TOP2B: variants seen among roughly 807,000 people sequenced by gnomAD.
TOP2B encodes the protein DNA topoisomerase II beta, also known as DNA topoisomerase 2-beta.
In TOP2B, 51 loss-of-function variants were observed where a neutral mutation model predicts 193.5. The observed-to-expected ratio is 0.26, with a 90% CI of 0.21 to 0.33. The LOEUF (loss-of-function observed/expected upper bound fraction) is 0.33, where lower values mean the gene tolerates loss of function less well. Among genes scored for constraint, TOP2B ranks in the 10% least tolerant of loss-of-function variants. The pLI, the probability that TOP2B is intolerant of heterozygous loss-of-function variation, is 1.00. For synonymous variants in TOP2B, 634 were observed against 635.7 expected, an observed-to-expected ratio of 1.00 and a Z score of 0.04; for missense variants, 1,378 against 1,909.3, an observed-to-expected ratio of 0.72 and a Z score of 5.19.
chr3:25,602,059 A>AT (rs1702108371), intron 33 of TOP2B, among the ~76,000 whole-genome samples: 2 of 152,178 alleles, frequency 1.3e-5, no homozygotes, highest in Admixed American at 1.3e-4. Context: ...AATTTTGAAA[A>AT]ATAGACCTTG....
intron 1 of TOP2B, among the ~76,000 whole-genome samples, chr3:25,662,247 T>C (rs1575591716): frequency 6.6e-6 from 1 of 152,214 alleles, no homozygotes; most frequent in African/African-American, 2.4e-5. Context: ...ACTAAATGTG[T>C]TGGAGAGACA....
chr3:25,628,590 G>C (rs1456091073), intron 15 of TOP2B, among the ~76,000 whole-genome samples: 2 of 152,160 alleles, frequency 1.3e-5, no homozygotes, highest in East Asian at 3.8e-4. Context: ...ATAATGTCTG[G>C]AAGTTTTTTC....
At chr3:25,617,439 T>G (rs1380249703) in intron 25 of TOP2B, among the ~76,000 whole-genome samples, 1 of 152,188 alleles carries the variant, frequency 6.6e-6, no homozygotes, top group Admixed American at 6.5e-5. Flanking sequence ...TCTATATAAC[T>G]TAGTCTAATT....
intron 3 of TOP2B, among the ~76,000 whole-genome samples, chr3:25,642,941 A>G (rs868865756): frequency 2.0e-5 from 3 of 152,212 alleles, no homozygotes; most frequent in African/African-American, 7.2e-5. Flanking sequence ...TTTGAACACA[A>G]TCATAGAAGA....
chr3:25,630,668 A>G (rs1702929067), intron 11 of TOP2B, 133 bp downstream of exon 11: 1 of 955,396 alleles, frequency 1.0e-6, no homozygotes, highest in Non-Finnish European at 1.5e-6. Flanking sequence ...TGTGTATGTG[A>G]TAATTTCAAT....
Position 25,626,822 on chromosome 3 carries a change from T to G in TOP2B, c.2059A>C (p.Thr687Pro). 6.2e-7 allele frequency: 1 copy of G among 1,606,602 alleles called. No individual in the cohort carries two copies. The highest frequency in any genetic ancestry group is 8.5e-7 in the Non-Finnish European group (1 of 1,177,218). The change falls in exon 17 of 36, where the codon ACA (threonine) becomes CCA (proline). Residue 687 changes from threonine (T) to proline (P), a missense_variant. Thr to Pro is a conservative substitution (Grantham distance 38, BLOSUM62 -1). Around this residue, in one of 9 missense-constraint regions of TOP2B, gnomAD observed 379 missense variants for 615.1 expected, o/e 0.62. Coordinates refer to ENST00000264331, the MANE Select transcript of TOP2B (RefSeq NM_001330700.2). ...TGTCTCCGGTCTTCCATAAAATTTG[T>G]TAACCATTCTTTTCTGTCATCAATC... Reference protein sequence around the residue: ...KKIDDRKEWLTNFMEDRRQRR... With the variant: ...KKIDDRKEWLPNFMEDRRQRR...
rs1703940412 is a variant in TOP2B at position 25,662,301 on chromosome 3, C to T, written c.69+1928G>A. ...GCCTGACGTCAAAGCCCATAACTACCTCACTATATTGCCTCCCATAAAATC... is the reference window on the plus strand; with the variant it reads ...GCCTGACGTCAAAGCCCATAACTACTTCACTATATTGCCTCCCATAAAATC... On this transcript the variant is annotated intron_variant, in intron 1 of 35. Coordinates refer to ENST00000264331, the MANE Select transcript of TOP2B (RefSeq NM_001330700.2). Among the ~76,000 whole-genome samples, 3 of 152,186 alleles carry T rather than the reference C, an allele frequency of 2.0e-5. No individual in the cohort carries two copies. In the South Asian group the frequency reaches 6.2e-4, roughly 32 times the overall value.
At chr3:25,636,661 C>T (rs948197353) in intron 6 of TOP2B, among the ~76,000 whole-genome samples, 1 of 151,950 alleles carries the variant, frequency 6.6e-6, no homozygotes. Context: ...TTATAAACTG[C>T]CAACAAAATC....
Position 25,607,274 on chromosome 3 carries a change from C to G in TOP2B, c.4195G>C (p.Ala1399Pro), listed in dbSNP as rs774941339. 6 of 1,577,164 alleles carry G rather than the reference C, an allele frequency of 3.8e-6. No individual in the cohort carries two copies. In the Admixed American group the frequency reaches 9.2e-5, roughly 24 times the overall value. Residue 1399 changes from alanine to proline, a missense_variant, in exon 31 of 36, where the codon GCA (alanine) becomes CCA (proline). By Grantham distance (27) the Ala-to-Pro change is conservative. Transcript: ENST00000264331. The stretch of plus-strand genomic sequence containing the variant: ...TCCCCATCATTTGTTATGGGAGATG[C>G]TTTAACTTTCAATTCCTCTAAATCA... ...NNDLEELKVK[A>P]SPITNDGEDE...
rs60417591 is a variant in TOP2B, at chr3:25,656,815, A to G, written c.69+7414T>C. Among the ~76,000 whole-genome samples the G allele has an allele frequency of 4.2e-3, 644 of 152,340 alleles. 8 individuals are homozygous for G. Among genetic ancestry groups the G allele is most frequent in the African/African-American group, 0.015 (611 of 41,584 alleles). ...TACATGCCACTTTTATCTTTTCTAC[A>G]CCTTTTCTAAATTTCTACAATGAAT... is the stretch of plus-strand genomic sequence containing the variant. On this transcript the variant is annotated intron_variant, in intron 1 of 35. Coordinates refer to ENST00000264331, the MANE Select transcript of TOP2B (RefSeq NM_001330700.2).
chr3:25,651,230 T>C (rs1467110928), intron 1 of TOP2B, among the ~76,000 whole-genome samples: 3 of 151,972 alleles, frequency 2.0e-5, no homozygotes, highest in Non-Finnish European at 4.4e-5. Flanking sequence ...TGTGTTAAAA[T>C]ATACACAATA....
chr3:25,610,226 A>G (rs1406117521), intron 28 of TOP2B, among the ~76,000 whole-genome samples: 2 of 152,112 alleles, frequency 1.3e-5, no homozygotes, highest in Admixed American at 1.3e-4. Flanking sequence ...AAAATAAGTA[A>G]CATGTGTCTT....
intron 7 of TOP2B, among the ~76,000 whole-genome samples, chr3:25,635,734 A>G (rs1392788483): frequency 6.6e-6 from 1 of 152,158 alleles, no homozygotes; most frequent in African/African-American, 2.4e-5. Flanking sequence ...TAACATATAT[A>G]TAACCAAGAA....
chr3:25,624,726 A>G lies in TOP2B; in HGVS notation c.2302T>C (p.Leu768=). The G allele has an allele frequency of 6.2e-7, 1 of 1,613,826 alleles. No homozygotes were observed. Among genetic ancestry groups the G allele is most frequent in the Non-Finnish European group, 8.5e-7 (1 of 1,179,778 alleles). ...GACATCTCAGCAACAGAGCCAGCCA[A>G]CTGGGCAACTTTTACTTCACGTTTA... ...NDKREVKVAQ[L]AGSVAEMSAY... The change falls in exon 19 of 36, where the codon TTG becomes CTG. Residue 768 remains leucine, a synonymous_variant. Transcript: ENST00000264331.
intron 23 of TOP2B, 131 bp downstream of exon 23, chr3:25,619,731 A>G: frequency 1.6e-6 from 1 of 629,344 alleles, no homozygotes; most frequent in Non-Finnish European, 2.7e-6. Flanking sequence ...GCAAATCTGC[A>G]GGATGGGAAA....
intron 1 of TOP2B, among the ~76,000 whole-genome samples, chr3:25,653,414 A>C (rs1703653106): frequency 6.6e-6 from 1 of 151,796 alleles, no homozygotes; most frequent in Non-Finnish European, 1.5e-5. Flanking sequence ...TTTTTTTTTA[A>C]GAGAGGGTCT....
In TOP2B at chr3:25,606,029, C is replaced by A; in HGVS notation, c.4378+14G>T. 1 of 1,407,864 alleles carries A rather than the reference C, an allele frequency of 7.1e-7. No homozygotes were observed. 87.2% of individuals were successfully genotyped at this position (1,407,864 alleles called of 1,614,324 possible). A position where few individuals can be genotyped will look rare whatever the true frequency, so the allele number is the denominator to read the frequency against. On this transcript the variant is annotated intron_variant, in intron 32 of 35. Transcript: ENST00000264331. ...AATAATACAATAACCAATGAAAAGA[C>A]TAAATGAACATACCATCTTCTGACT...
chr3:25,599,718 A>G (rs554081438), intron 34 of TOP2B, among the ~76,000 whole-genome samples, 189 bp from the exon 35 acceptor site: 1 of 152,340 alleles, frequency 6.6e-6, no homozygotes, highest in Admixed American at 6.5e-5. Context: ...ATGACCAAAG[A>G]CTTTTTGACA....
At position 25,633,889 on chromosome 3, in the gene TOP2B, T is replaced by C; in HGVS notation, c.978A>G (p.Glu326=). 1 of 1,612,878 alleles carries C rather than the reference T, an allele frequency of 6.2e-7. No individual in the cohort carries two copies. The highest frequency in any genetic ancestry group is 8.5e-7 in the Non-Finnish European group (1 of 1,179,302). Residue 326 remains glutamate, a synonymous_variant, in exon 8 of 36, where the codon GAA becomes GAG. Transcript: ENST00000264331. ...CAAAGCTGATTTGCTGGAATCCTTT[T>C]TCACTCAATGTGAGACAAACATCCC... ...ERWDVCLTLS[E]KGFQQISFVN...
Sources: gnomAD v4.1 joint callset for allele counts (sites outside exome capture counted in the v4.1 genomes callset) on GRCh38, gnomAD v4.1.1 for gene constraint, gnomAD v4.1.1 regional missense constraint, MANE v1.5 for transcripts, NCBI Gene and HGNC (gene_info 2026-07-23, HGNC 2026-07-21) for gene names.